QTMAN: variants seen among roughly 807,000 people sequenced by gnomAD.
QTMAN encodes queuosine-tRNA mannosyltransferase, also known as tRNA-queuosine alpha-mannosyltransferase.
chr2:144,123,284 A>C, the QTMAN span, among the ~76,000 whole-genome samples: 1 of 152,142 alleles, frequency 6.6e-6, no homozygotes, highest in South Asian at 2.1e-4. Context: ...TCTGTCATAA[A>C]GGTACAGTAA....
chr2:144,287,160 G>A, the QTMAN span, among the ~76,000 whole-genome samples: 1 of 152,214 alleles, frequency 6.6e-6, no homozygotes, highest in Admixed American at 6.5e-5. Context: ...GTATTGGCCG[G>A]GCACGGTGGC....
the QTMAN span, among the ~76,000 whole-genome samples, chr2:144,072,815 G>A: frequency 6.6e-6 from 1 of 152,208 alleles, no homozygotes; most frequent in Non-Finnish European, 1.5e-5. Flanking sequence ...CTTTCGTAGA[G>A]TTTAAAAGAG....
At chr2:144,170,693 T>G in the QTMAN span, among the ~76,000 whole-genome samples, 1 of 152,066 alleles carries the variant, frequency 6.6e-6, no homozygotes, top group Admixed American at 6.6e-5. Flanking sequence ...AACAAAAAGG[T>G]GTTTGATGCC....
At chr2:144,103,998 G>A in the QTMAN span, among the ~76,000 whole-genome samples, 157 of 152,236 alleles carry the variant, frequency 1.0e-3, no homozygotes, top group Non-Finnish European at 5.6e-4. Flanking sequence ...GCTGAGGCAC[G>A]AGAAATGCTT....
the QTMAN span, among the ~76,000 whole-genome samples, chr2:144,194,331 C>T: frequency 6.6e-6 from 1 of 152,130 alleles, no homozygotes. Context: ...GTGATTTGTA[C>T]TTTTAAAGGT....
chr2:143,962,750 A>G, the QTMAN span, among the ~76,000 whole-genome samples: 1 of 152,172 alleles, frequency 6.6e-6, no homozygotes, highest in African/African-American at 2.4e-5. Flanking sequence ...AGAGAAGAGA[A>G]AGAGGCAAGA....
At chr2:144,082,659 CCT>C in the QTMAN span, among the ~76,000 whole-genome samples, 2 of 151,906 alleles carry the variant, frequency 1.3e-5, no homozygotes, top group Non-Finnish European at 2.9e-5. Context: ...TTTGTATAAC[CCT>C]CTTATGTTAC....
chr2:144,111,129 G>C, the QTMAN span, among the ~76,000 whole-genome samples: 1 of 152,092 alleles, frequency 6.6e-6, no homozygotes, highest in Admixed American at 6.6e-5. Context: ...CTATGGCCTG[G>C]CTCATCTACA....
the QTMAN span, among the ~76,000 whole-genome samples, chr2:144,200,886 G>C: frequency 5.9e-5 from 9 of 152,304 alleles, no homozygotes; most frequent in Middle Eastern, 3.4e-3. Context: ...TCTTTAGGCA[G>C]AGGATACCGG....
chr2:144,129,102 T>C, the QTMAN span, among the ~76,000 whole-genome samples: 3 of 151,870 alleles, frequency 2.0e-5, no homozygotes, highest in Non-Finnish European at 4.4e-5. Context: ...TTCCGTATTA[T>C]AAAATAAGTT....
the QTMAN span, among the ~76,000 whole-genome samples, chr2:144,276,704 T>C: frequency 6.6e-6 from 1 of 152,272 alleles, no homozygotes; most frequent in Non-Finnish European, 1.5e-5. Flanking sequence ...GAAACGACAA[T>C]GATAAACAGT....
chr2:144,158,136 T>G, the QTMAN span, among the ~76,000 whole-genome samples: 2 of 151,996 alleles, frequency 1.3e-5, no homozygotes, highest in South Asian at 4.1e-4. Context: ...AGTAACTTTT[T>G]TATAACAACT....
the QTMAN span, among the ~76,000 whole-genome samples, chr2:144,321,589 G>A: frequency 1.2e-4 from 19 of 152,050 alleles, no homozygotes; most frequent in African/African-American, 2.9e-4. Flanking sequence ...GGACTTCAAA[G>A]AAAATTGGTT....
the QTMAN span, among the ~76,000 whole-genome samples, chr2:144,297,255 A>G: frequency 3.3e-5 from 5 of 152,230 alleles, no homozygotes; most frequent in Non-Finnish European, 5.9e-5. Context: ...CTATTCTTGA[A>G]TAATGCCAAG....
At chr2:144,088,063 T>G in the QTMAN span, among the ~76,000 whole-genome samples, 1 of 151,836 alleles carries the variant, frequency 6.6e-6, no homozygotes, top group Non-Finnish European at 1.5e-5. Context: ...ACCTAAAGAC[T>G]TTACCAAAAA....
At chr2:144,215,297 C>CAT in the QTMAN span, among the ~76,000 whole-genome samples, 4,816 of 145,976 alleles carry the variant, frequency 0.033, 205 homozygotes, top group African/African-American at 0.099. Context: ...CACACACACA[C>CAT]ATATATATAT....
chr2:144,097,250 A>G, the QTMAN span, among the ~76,000 whole-genome samples: 2 of 152,168 alleles, frequency 1.3e-5, no homozygotes, highest in South Asian at 4.1e-4. Flanking sequence ...GAATTCCAAT[A>G]CTCAAATTAC....
At chr2:144,258,769 T>TA in the QTMAN span, among the ~76,000 whole-genome samples, 29 of 150,884 alleles carry the variant, frequency 1.9e-4, no homozygotes, top group South Asian at 1.0e-3. Context: ...AACTAAAGAG[T>TA]AAAAAAAAAT....
the QTMAN span, among the ~76,000 whole-genome samples, chr2:144,214,439 T>C: frequency 2.8e-4 from 42 of 152,328 alleles, no homozygotes; most frequent in South Asian, 8.5e-3. Flanking sequence ...GTTTGGCTAA[T>C]AGAAATGAAT....
Sources: allele counts gnomAD v4.1 joint callset (sites outside exome capture counted in the v4.1 genomes callset), GRCh38; gene constraint gnomAD v4.1.1; transcripts MANE v1.5; gene names NCBI Gene and HGNC (gene_info 2026-07-23, HGNC 2026-07-21).